CORIN: variants seen among roughly 807,000 people sequenced by gnomAD.
CORIN encodes corin, serine peptidase, also known as atrial natriuretic peptide-converting enzyme.
Under a neutral mutation model 125.3 loss-of-function variants are expected in CORIN, and 117 were observed. The observed-to-expected ratio is 0.93, with a 90% CI of 0.80 to 1.09. CORIN has a LOEUF of 1.09. Among genes scored for constraint, CORIN ranks in the 50% least tolerant of loss-of-function variants. The probability of loss-of-function intolerance (pLI) is 0.00; values close to 1 mark genes in which losing one functional copy is unlikely to be tolerated. For missense variants in CORIN, 1,253 were observed against 1,306.7 expected, an observed-to-expected ratio of 0.96 and a Z score of 0.63; for synonymous variants, 450 against 466.4, an observed-to-expected ratio of 0.96 and a Z score of 0.45.
intron 5 of CORIN, among the ~76,000 whole-genome samples, chr4:47,708,492 T>A (rs889495393): frequency 6.6e-5 from 10 of 152,188 alleles, no homozygotes; most frequent in East Asian, 1.9e-4. Context: ...CTTATTTCCA[T>A]CTTCAACTTC....
At chr4:47,663,479 A>G (rs907279406) in intron 11 of CORIN, among the ~76,000 whole-genome samples, 2 of 152,210 alleles carry the variant, frequency 1.3e-5, no homozygotes, top group African/African-American at 4.8e-5. Flanking sequence ...TGAAAGATGT[A>G]TGGGTAAACC....
chr4:47,623,719 T>C lies in CORIN; in HGVS notation c.2392A>G (p.Met798Val), dbSNP rs762760721. The change falls in exon 19 of 22, where the codon ATG becomes GTG. Residue 798 changes from methionine (M) to valine (V), a missense_variant. Met to Val is a conservative substitution (Grantham distance 21). Transcript: ENST00000273857. ...QDCGRRPAARMNKRILGGRTS... is the reference protein window; with the variant it reads ...QDCGRRPAARVNKRILGGRTS... ...CGACCTCCAAGGATCCTTTTGTTCATTCGGGCAGCAGGGCGGCGCCCACAG... is the reference window on the plus strand; with the variant it reads ...CGACCTCCAAGGATCCTTTTGTTCACTCGGGCAGCAGGGCGGCGCCCACAG... 2.2e-5 allele frequency: 36 copies of C among 1,614,226 alleles called. No homozygotes were observed. Among genetic ancestry groups the C allele is most frequent in the Non-Finnish European group, 2.9e-5 (34 of 1,180,026 alleles).
chr4:47,638,463 C>T (rs910843600), intron 16 of CORIN, among the ~76,000 whole-genome samples: 1 of 152,198 alleles, frequency 6.6e-6, no homozygotes, highest in African/African-American at 2.4e-5. Context: ...TCCCACATAT[C>T]ATGGGAGGAA....
At chr4:47,773,027 T>TA (rs1560542524) in intron 3 of CORIN, among the ~76,000 whole-genome samples, 1 of 152,138 alleles carries the variant, frequency 6.6e-6, no homozygotes, top group Non-Finnish European at 1.5e-5. Flanking sequence ...TAATTTTTTT[T>TA]TAAAAAAGTA....
intron 19 of CORIN, among the ~76,000 whole-genome samples, chr4:47,611,921 C>T (rs985756724): frequency 1.3e-5 from 2 of 152,250 alleles, no homozygotes; most frequent in South Asian, 2.1e-4. Flanking sequence ...CTGACTTGAT[C>T]GTGGTAGAAA....
chr4:47,672,253 A>G (rs1724794941), intron 10 of CORIN, among the ~76,000 whole-genome samples: 1 of 152,192 alleles, frequency 6.6e-6, no homozygotes, highest in Non-Finnish European at 1.5e-5. Context: ...GGTCAGCTCT[A>G]TGAGCCAAGA....
chr4:47,821,127 C>T (rs552726781), intron 1 of CORIN, among the ~76,000 whole-genome samples: 37 of 151,872 alleles, frequency 2.4e-4, no homozygotes, highest in African/African-American at 8.5e-4. Flanking sequence ...ACCAGCTGCT[C>T]GGGAGGCTGA....
intron 16 of CORIN, among the ~76,000 whole-genome samples, chr4:47,633,773 A>C (rs980504016): frequency 1.3e-5 from 2 of 152,210 alleles, no homozygotes; most frequent in African/African-American, 2.4e-5. Context: ...TTTCAATTTC[A>C]ACATGACTTT....
intron 10 of CORIN, among the ~76,000 whole-genome samples, chr4:47,669,857 C>T (rs918528174): frequency 6.6e-6 from 1 of 152,216 alleles, no homozygotes; most frequent in Non-Finnish European, 1.5e-5. Flanking sequence ...GCGTGAGCCA[C>T]CGCACCCGGC....
At chr4:47,599,834 G>T (rs946581769) in intron 21 of CORIN, among the ~76,000 whole-genome samples, 12 of 152,142 alleles carry the variant, frequency 7.9e-5, no homozygotes, top group African/African-American at 2.9e-4. Flanking sequence ...GTCCTTTCAT[G>T]CCTTCCCTGC....
At chr4:47,623,096 C>CTCTCTCTCTATATATATATA (rs771867590) in intron 19 of CORIN, among the ~76,000 whole-genome samples, 11 of 102,294 alleles carry the variant, frequency 1.1e-4, no homozygotes, top group Non-Finnish European at 1.5e-4. Context: ...CTCTCTCTCT[C>CTCTCTCTCTATATATATATA]TATATATATA....
intron 3 of CORIN, among the ~76,000 whole-genome samples, chr4:47,765,614 A>G (rs1442214490): frequency 6.6e-6 from 1 of 152,192 alleles, no homozygotes; most frequent in African/African-American, 2.4e-5. Flanking sequence ...GAGAAGTACC[A>G]TTTTGAATTC....
intron 4 of CORIN, among the ~76,000 whole-genome samples, chr4:47,747,206 A>G (rs1056740901): frequency 6.6e-6 from 1 of 152,128 alleles, no homozygotes; most frequent in South Asian, 2.1e-4. Flanking sequence ...TCCCAATTGC[A>G]GCTGATCTCA....
intron 5 of CORIN, chr4:47,706,565 G>T (rs1012403293): frequency 6.2e-7 from 1 of 1,609,134 alleles, no homozygotes. Context: ...CATAGGATTT[G>T]TGTTAGCCGT....
chr4:47,785,443 T>C (rs1364800547), intron 3 of CORIN, among the ~76,000 whole-genome samples: 3 of 152,168 alleles, frequency 2.0e-5, no homozygotes, highest in African/African-American at 4.8e-5. Context: ...CCAGCTCTTC[T>C]GGAATAACTA....
chr4:47,799,955 T>C (rs1409304966), intron 2 of CORIN, among the ~76,000 whole-genome samples: 1 of 152,114 alleles, frequency 6.6e-6, no homozygotes, highest in Non-Finnish European at 1.5e-5. Context: ...ACAATGTGAG[T>C]AAACCTTAAA....
At chr4:47,760,797 G>A (rs1411217708) in intron 4 of CORIN, among the ~76,000 whole-genome samples, 3 of 152,208 alleles carry the variant, frequency 2.0e-5, no homozygotes, top group Non-Finnish European at 4.4e-5. Flanking sequence ...CTGCTGTTTA[G>A]TGTAGCCATC....
intron 5 of CORIN, among the ~76,000 whole-genome samples, chr4:47,695,027 A>G (rs1266576682): frequency 6.6e-6 from 1 of 152,234 alleles, no homozygotes; most frequent in African/African-American, 2.4e-5. Flanking sequence ...CCATAATTTC[A>G]GTATCAATAC....
intron 5 of CORIN, among the ~76,000 whole-genome samples, chr4:47,719,317 T>A (rs1407386857): frequency 6.6e-6 from 1 of 152,152 alleles, no homozygotes; most frequent in African/African-American, 2.4e-5. Context: ...TTTTGCCTTA[T>A]TTGTTCCTCA....
Sources: allele counts gnomAD v4.1 joint callset (sites outside exome capture counted in the v4.1 genomes callset), GRCh38; gene constraint gnomAD v4.1.1; transcripts MANE v1.5; gene names NCBI Gene and HGNC (gene_info 2026-07-23, HGNC 2026-07-21).